Variants in RIT2 observed in about 807,000 individuals in gnomAD.
RIT2 encodes the protein GTP-binding protein Rit2.
RIT2 carries 24 observed loss-of-function variants against 23.7 expected under a neutral mutation model. The observed-to-expected ratio is 1.01, with a 90% CI of 0.73 to 1.43. The LOEUF (loss-of-function observed/expected upper bound fraction) is 1.43, where lower values mean the gene tolerates loss of function less well. Ranked by LOEUF, RIT2 falls within the 40% of genes most tolerant of loss-of-function variation. The probability of loss-of-function intolerance (pLI) is 0.00; values close to 1 mark genes in which losing one functional copy is unlikely to be tolerated. For synonymous variants in RIT2, 107 were observed against 91.1 expected (o/e 1.17, Z -0.99); for missense variants, 236 against 266.9 (o/e 0.88, Z 0.81).
intron 3 of RIT2, among the ~76,000 whole-genome samples, chr18:42,931,129 C>G (rs1044721380): frequency 6.6e-6 from 1 of 152,060 alleles, no homozygotes; most frequent in East Asian, 1.9e-4. Context: ...CTCCAAAGCA[C>G]TAGGGACAGT....
chr18:42,919,380 T>A (rs1908995660), intron 4 of RIT2, among the ~76,000 whole-genome samples: 2 of 152,066 alleles, frequency 1.3e-5, no homozygotes. Context: ...ATTACACTGT[T>A]GGTACCGAAA....
At chr18:42,960,462 C>T (rs1000652140) in intron 3 of RIT2, among the ~76,000 whole-genome samples, 1 of 152,004 alleles carries the variant, frequency 6.6e-6, no homozygotes, top group Non-Finnish European at 1.5e-5. Flanking sequence ...TTACAGGTGT[C>T]CACCACCATA....
In RIT2 at chr18:42,880,551, C is replaced by T. The variant is rs186730883; in HGVS notation, c.426+43021G>A. ...GATCTTGCCTTGTTCTTATCTTTTA[C>T]GTATGTAATTTTTCTCATTTTTTCT... On this transcript the variant is annotated intron_variant, in intron 4 of 4. Coordinates refer to ENST00000326695, the MANE Select transcript of RIT2 (RefSeq NM_002930.4). 2.6e-5 allele frequency among the ~76,000 whole-genome samples: 4 copies of T among 152,128 alleles called. No homozygotes were observed. In the East Asian group the frequency reaches 7.7e-4, roughly 29 times the overall value.
intron 2 of RIT2, among the ~76,000 whole-genome samples, chr18:42,988,349 A>C (rs1910761715): frequency 6.6e-6 from 1 of 152,178 alleles, no homozygotes; most frequent in East Asian, 1.9e-4. Context: ...TGATTTGACT[A>C]ATTTTTTTCC....
chr18:42,904,383 T>C (rs1908556768), intron 4 of RIT2, among the ~76,000 whole-genome samples: 1 of 152,110 alleles, frequency 6.6e-6, no homozygotes. Context: ...CCCATAAGTC[T>C]TTGCAGTGTC....
rs574923172 is a variant in RIT2 at position 42,886,919 on chromosome 18, T to C, written c.426+36653A>G. On this transcript the variant is annotated intron_variant, in intron 4 of 4. Coordinates refer to ENST00000326695, the MANE Select transcript of RIT2 (RefSeq NM_002930.4). Reference sequence around the variant, plus strand: ...CTTTTTGCAAGACCACAATGCTACTTTCATTCAGGAAGGATGACAGAGTTG... The same window carrying C: ...CTTTTTGCAAGACCACAATGCTACTCTCATTCAGGAAGGATGACAGAGTTG... Among the ~76,000 whole-genome samples the C allele has an allele frequency of 2.0e-5, 3 of 152,286 alleles. No homozygotes were observed. In the South Asian group the frequency reaches 6.2e-4, roughly 32 times the overall value.
intron 3 of RIT2, among the ~76,000 whole-genome samples, chr18:42,925,193 T>G (rs1209454871): frequency 6.6e-6 from 1 of 152,018 alleles, no homozygotes; most frequent in African/African-American, 2.4e-5. Flanking sequence ...AATGTACTAA[T>G]ATGGGAGAAA....
intron 1 of RIT2, among the ~76,000 whole-genome samples, chr18:43,092,595 C>T (rs1207345850): frequency 2.6e-5 from 4 of 151,992 alleles, no homozygotes; most frequent in African/African-American, 7.2e-5. Context: ...ATACTAAGTC[C>T]TTCTTCAGAT....
At chr18:43,041,564 A>G (rs748110377) in intron 1 of RIT2, among the ~76,000 whole-genome samples, 1 of 152,202 alleles carries the variant, frequency 6.6e-6, no homozygotes, top group Non-Finnish European at 1.5e-5. Flanking sequence ...TTAAGTACAT[A>G]TAATAAATAA....
At chr18:42,901,089 T>A (rs979825548) in intron 4 of RIT2, among the ~76,000 whole-genome samples, 2 of 152,106 alleles carry the variant, frequency 1.3e-5, no homozygotes, top group East Asian at 3.8e-4. Flanking sequence ...TTAGTACTTT[T>A]CTGTTATTTG....
Position 43,115,609 on chromosome 18 carries a change from A to G in RIT2, c.-90T>C, listed in dbSNP as rs1262050877. ...TATTAAGCAACTCTAAAACTGTGTC[A>G]AAGCAAAGGTTTTAGTACGAGGTAA... On this transcript the variant is annotated 5_prime_UTR_variant, in exon 1 of 5. Coordinates refer to ENST00000326695, the MANE Select transcript of RIT2 (RefSeq NM_002930.4). 11 of 1,501,804 alleles carry G rather than the reference A, an allele frequency of 7.3e-6. No homozygotes were observed. The highest frequency in any genetic ancestry group is 8.8e-6 in the Non-Finnish European group (10 of 1,133,252). 93.0% of individuals were successfully genotyped at this position (1,501,804 alleles called of 1,614,324 possible).
At chr18:42,951,968 T>C (rs1416855663) in intron 3 of RIT2, among the ~76,000 whole-genome samples, 1 of 152,140 alleles carries the variant, frequency 6.6e-6, no homozygotes, top group Non-Finnish European at 1.5e-5. Context: ...ATGTCTTACA[T>C]AGTAGCAGGT....
chr18:43,010,090 T>C (rs1911317218), intron 2 of RIT2, among the ~76,000 whole-genome samples: 1 of 151,798 alleles, frequency 6.6e-6, no homozygotes, highest in South Asian at 2.1e-4. Flanking sequence ...ATTGTTAAAA[T>C]GTGTATCAGC....
At chr18:43,068,456 A>G (rs1912820877) in intron 1 of RIT2, among the ~76,000 whole-genome samples, 1 of 152,132 alleles carries the variant, frequency 6.6e-6, no homozygotes, top group Admixed American at 6.6e-5. Context: ...GAACAGCAGC[A>G]ATTTTATATT....
At chr18:42,848,860 T>C (rs1323228255) in intron 4 of RIT2, among the ~76,000 whole-genome samples, 2 of 152,216 alleles carry the variant, frequency 1.3e-5, no homozygotes, top group Non-Finnish European at 2.9e-5. Context: ...TGCTTGAAAT[T>C]GTTTAATTTT....
At chr18:42,929,959 T>C (rs1909285422) in intron 3 of RIT2, among the ~76,000 whole-genome samples, 1 of 152,130 alleles carries the variant, frequency 6.6e-6, no homozygotes, top group South Asian at 2.1e-4. Flanking sequence ...AAGATGGATG[T>C]TCCAGGAGTT....
intron 1 of RIT2, among the ~76,000 whole-genome samples, chr18:43,112,548 A>G (rs1913978505): frequency 6.6e-6 from 1 of 152,182 alleles, no homozygotes; most frequent in African/African-American, 2.4e-5. Context: ...TTCCTATTTC[A>G]GTAAAGTTGC....
intron 4 of RIT2, among the ~76,000 whole-genome samples, chr18:42,808,497 G>A (rs971131344): frequency 2.6e-5 from 4 of 151,780 alleles, no homozygotes; most frequent in Admixed American, 6.6e-5. Flanking sequence ...TTTCAGTGTC[G>A]ATTTCATGAT....
intron 4 of RIT2, among the ~76,000 whole-genome samples, chr18:42,789,161 G>A (rs1015392662): frequency 6.6e-6 from 1 of 152,166 alleles, no homozygotes; most frequent in Admixed American, 6.5e-5. Flanking sequence ...TCATTCTAAC[G>A]CACCAACAAT....
Sources: allele counts gnomAD v4.1 joint callset (sites outside exome capture counted in the v4.1 genomes callset), GRCh38; gene constraint gnomAD v4.1.1; transcripts MANE v1.5; gene names NCBI Gene and HGNC (gene_info 2026-07-23, HGNC 2026-07-21).